KMT2C: variants seen among roughly 807,000 people sequenced by gnomAD.
KMT2C encodes lysine methyltransferase 2C.
KMT2C carries 88 observed loss-of-function variants against 507.9 expected under a neutral mutation model. That is an observed-to-expected ratio of 0.17 (90% confidence interval 0.15 to 0.21). The LOEUF (loss-of-function observed/expected upper bound fraction) is 0.21, where lower values mean the gene tolerates loss of function less well. KMT2C is among the 10% of genes least tolerant of loss of function. The pLI is 1.00. For synonymous variants in KMT2C, 2,049 were observed against 2,080.8 expected (o/e 0.98, Z 0.42); for missense variants, 4,954 against 5,957.8 (o/e 0.83, Z 5.55).
At position 152,148,839 on chromosome 7, in the gene KMT2C, T is replaced by C; in HGVS notation, c.13088A>G (p.His4363Arg). Reference protein sequence around the residue: ...RGMKWKKWSIHIVIPKGTFKP... With the variant: ...RGMKWKKWSIRIVIPKGTFKP... ...AAATGTCCCCTTAGGGATTACAATA[T>C]GAATGCTCCACTTCTTCCATTTCAT... Residue 4363 changes from histidine to arginine, a missense_variant, in exon 52 of 59, where the codon CAT (histidine) becomes CGT (arginine). His to Arg is a conservative substitution (Grantham distance 29, BLOSUM62 0). Coordinates refer to ENST00000262189, the MANE Select transcript of KMT2C (RefSeq NM_170606.3). The surrounding 1 kb of genome is among the most constrained non-coding windows in gnomAD (Gnocchi z 7.1). 1 of 1,614,258 alleles carries C rather than the reference T, an allele frequency of 6.2e-7. No homozygotes were observed. The highest frequency in any genetic ancestry group is 8.5e-7 in the Non-Finnish European group (1 of 1,180,044).
At chr7:152,306,815 G>T (rs1365948228) in intron 6 of KMT2C, among the ~76,000 whole-genome samples, 2 of 152,154 alleles carry the variant, frequency 1.3e-5, no homozygotes, top group Non-Finnish European at 2.9e-5. Flanking sequence ...CCTTTCTTGA[G>T]ACAAAGTTCT....
At position 152,180,944 on chromosome 7, in the gene KMT2C, G is replaced by A. The variant is rs369563648; in HGVS notation, c.6916C>T (p.Pro2306Ser). The change falls in exon 36 of 59, where the codon CCA (proline) becomes TCA (serine). Residue 2306 changes from proline (P) to serine (S), a missense_variant. Coordinates refer to ENST00000262189, the MANE Select transcript of KMT2C (RefSeq NM_170606.3). ...CCAAAAGAGTCAGACTGAGATCTTG[G>A]AGTCATTGGAGACTGATCATAGGGA... ...RDPYDQSPMT[P>S]RSQSDSFGTS... is the part of the protein sequence containing the mutation. 6.1e-5 allele frequency: 98 copies of A among 1,614,070 alleles called. No individual in the cohort carries two copies. Among genetic ancestry groups the A allele is most frequent in the Non-Finnish European group, 8.0e-5 (94 of 1,180,046 alleles).
At chr7:152,342,377 AGTTATT>A (rs151282898) in intron 2 of KMT2C, among the ~76,000 whole-genome samples, 1 of 152,342 alleles carries the variant, frequency 6.6e-6, no homozygotes, top group Non-Finnish European at 1.5e-5. Context: ...GTATTAACTT[AGTTATT>A]GTTAACAATT....
chr7:152,350,644 G>C (rs1727135024), intron 2 of KMT2C, among the ~76,000 whole-genome samples: 1 of 152,180 alleles, frequency 6.6e-6, no homozygotes, highest in Non-Finnish European at 1.5e-5. Context: ...ACCATGAATG[G>C]TGCTTGTGGG....
chr7:152,429,597 T>C (rs1380247192), intron 1 of KMT2C, among the ~76,000 whole-genome samples: 1 of 151,866 alleles, frequency 6.6e-6, no homozygotes, highest in Non-Finnish European at 1.5e-5. Flanking sequence ...CTCAGCTCAC[T>C]GCAACCTCTG....
chr7:152,167,104 A>G (rs1346756096), intron 42 of KMT2C, 42 bp downstream of exon 42: 3 of 1,472,504 alleles, frequency 2.0e-6, no homozygotes, highest in Non-Finnish European at 2.8e-6. Context: ...CATTCTACTC[A>G]TTAATTGTTG....
intron 53 of KMT2C, among the ~76,000 whole-genome samples, chr7:152,145,846 A>G (rs1346979976): frequency 6.6e-6 from 1 of 152,232 alleles, no homozygotes; most frequent in Non-Finnish European, 1.5e-5. Flanking sequence ...AGCTTTACTC[A>G]AAGTCATTTA....
chr7:152,348,102 A>T (rs1411755074), intron 2 of KMT2C, among the ~76,000 whole-genome samples: 1 of 152,222 alleles, frequency 6.6e-6, no homozygotes, highest in Non-Finnish European at 1.5e-5. Flanking sequence ...GATGAAATGG[A>T]CCAATTACTT....
At chr7:152,262,864 G>A (rs1480412835) in intron 9 of KMT2C, 152 bp downstream of exon 9, 16 of 578,042 alleles carry the variant, frequency 2.8e-5, no homozygotes, top group Admixed American at 6.5e-5. Flanking sequence ...CTTGAAGAGT[G>A]TACAGTTTAT....
intron 1 of KMT2C, among the ~76,000 whole-genome samples, chr7:152,373,981 T>C (rs1250155667): frequency 6.6e-6 from 1 of 152,104 alleles, no homozygotes; most frequent in East Asian, 1.9e-4. Flanking sequence ...TGCTCAACTT[T>C]ACCAAGTAAT....
chr7:152,174,933 A>G (rs2093130637), intron 38 of KMT2C, among the ~76,000 whole-genome samples: 1 of 152,226 alleles, frequency 6.6e-6, no homozygotes, highest in Non-Finnish European at 1.5e-5. Flanking sequence ...TGTCATACAC[A>G]AAAGGACAGT....
chr7:152,146,541 G>C, intron 53 of KMT2C, 58 bp downstream of exon 53: 1 of 1,558,632 alleles, frequency 6.4e-7, no homozygotes, highest in South Asian at 1.1e-5. Context: ...ATGTGTTCAA[G>C]TGGTCACACT....
At chr7:152,200,652 C>T (rs946072029) in intron 26 of KMT2C, among the ~76,000 whole-genome samples, 5 of 152,130 alleles carry the variant, frequency 3.3e-5, no homozygotes, top group Non-Finnish European at 7.4e-5. Flanking sequence ...ATCACTTGAA[C>T]CCAGAAGGCA....
intron 1 of KMT2C, chr7:152,368,540 T>C (rs2097266075): frequency 1.1e-5 from 15 of 1,368,628 alleles, no homozygotes; most frequent in Non-Finnish European, 1.3e-5. Flanking sequence ...CACAAAGAAT[T>C]AGAGGAAAAA....
intron 24 of KMT2C, 148 bp downstream of exon 24, chr7:152,207,152 G>A (rs191530682): frequency 1.4e-6 from 1 of 735,468 alleles, no homozygotes. Flanking sequence ...TATTCAAATA[G>A]TTTAGTTCTT....
chr7:152,237,040 T>C (rs1378136617), intron 15 of KMT2C, among the ~76,000 whole-genome samples: 2 of 152,186 alleles, frequency 1.3e-5, no homozygotes, highest in East Asian at 3.8e-4. Context: ...TACCAGAGTA[T>C]GGTGTTCCCT....
At chr7:152,398,731 G>A (rs2097552455) in intron 1 of KMT2C, among the ~76,000 whole-genome samples, 2 of 151,872 alleles carry the variant, frequency 1.3e-5, no homozygotes, top group African/African-American at 4.8e-5. Context: ...GCCCTCCTGT[G>A]CTCTTTATTT....
At chr7:152,147,207 G>T (rs1248910775) in intron 52 of KMT2C, among the ~76,000 whole-genome samples, 2 of 150,902 alleles carry the variant, frequency 1.3e-5, no homozygotes, top group Non-Finnish European at 3.0e-5. Flanking sequence ...ACATACTTTT[G>T]TTTGTGTACT....
intron 40 of KMT2C, among the ~76,000 whole-genome samples, 160 bp downstream of exon 40, chr7:152,171,104 T>C (rs899409736): frequency 1.3e-5 from 2 of 152,210 alleles, no homozygotes; most frequent in African/African-American, 2.4e-5. Flanking sequence ...GAAAAAGTAA[T>C]TGCGGTTTTT....
Sources: gnomAD v4.1 joint callset for allele counts (sites outside exome capture counted in the v4.1 genomes callset) on GRCh38, gnomAD v4.1.1 for gene constraint, Gnocchi (gnomAD v3.1) non-coding constraint, MANE v1.5 for transcripts, NCBI Gene and HGNC (gene_info 2026-07-23, HGNC 2026-07-21) for gene names.